Variants in ZNF611 observed in about 807,000 individuals in gnomAD.
The protein encoded by ZNF611 is zinc finger protein 611.
A neutral mutation model predicts 8.9 loss-of-function variants in ZNF611; 6 were observed. The observed-to-expected ratio is 0.68, with a 90% CI of 0.37 to 1.34. The LOEUF (loss-of-function observed/expected upper bound fraction) is 1.34. ZNF611 is among the 40% of genes most tolerant of loss of function. ZNF611 has a pLI of 0.02. For synonymous variants in ZNF611, 262 were observed against 279.7 expected (o/e 0.94, Z 0.63); for missense variants, 874 against 841.3 (o/e 1.04, Z -0.48).
At chr19:52,709,538 G>A (rs1489202637) in intron 5 of ZNF611, among the ~76,000 whole-genome samples, 1 of 152,042 alleles carries the variant, frequency 6.6e-6, no homozygotes, top group East Asian at 1.9e-4. Flanking sequence ...CCAAAGTGCT[G>A]GGATTACAGG....
At chr19:52,717,413 G>C (rs556091876) in intron 3 of ZNF611, among the ~76,000 whole-genome samples, 2 of 152,272 alleles carry the variant, frequency 1.3e-5, no homozygotes, top group South Asian at 2.1e-4. Context: ...CCTAGGCAGA[G>C]GGACAGCTCA....
chr19:52,716,329 C>G (rs1360425633), intron 3 of ZNF611: 1 of 159,740 alleles, frequency 6.3e-6, no homozygotes, highest in Admixed American at 6.1e-5. Flanking sequence ...TGGGCCACTG[C>G]AGGTATTACT....
At position 52,735,004 on chromosome 19, in the gene ZNF611, G is replaced by T; in HGVS notation, c.-225C>A. On this transcript the variant is annotated 5_prime_UTR_variant, in exon 1 of 6. Coordinates refer to ENST00000652185, the MANE Select transcript of ZNF611 (RefSeq NM_001161499.2). Reference sequence around the variant, plus strand: ...TACAACACAGAGCAAAACTCACCGCGGCGATATGACCTACACTCCACCCGA... The same window carrying T: ...TACAACACAGAGCAAAACTCACCGCTGCGATATGACCTACACTCCACCCGA... The T allele has an allele frequency of 6.5e-6, 1 of 153,218 alleles. No individual in the cohort carries two copies. Among genetic ancestry groups the T allele is most frequent in the South Asian group, 1.9e-4 (1 of 5,290 alleles). The allele number at this position is 153,218 out of a possible 1,614,324, so 9.5% of individuals were successfully genotyped here. A position where few individuals can be genotyped will look rare whatever the true frequency, so the allele number is the denominator to read the frequency against.
At chr19:52,714,163 A>C (rs367833024) in intron 4 of ZNF611, 22 bp from the exon 5 acceptor site, 47 of 1,611,070 alleles carry the variant, frequency 2.9e-5, no homozygotes, top group African/African-American at 1.9e-4. Context: ...CACACATTTC[A>C]ACAAAACATT....
intron 3 of ZNF611, among the ~76,000 whole-genome samples, chr19:52,721,798 CTT>C (rs1030693997): frequency 3.7e-4 from 56 of 152,036 alleles, no homozygotes; most frequent in African/African-American, 1.3e-3. Context: ...GAGTTTCGCT[CTT>C]GTTGCCCACA....
rs187661964 is a variant in ZNF611 at position 52,733,135 on chromosome 19, A to G, written c.-222+1866T>C. 3.1e-3 allele frequency among the ~76,000 whole-genome samples: 477 copies of G among 152,296 alleles called. 2 individuals carry two copies. The highest frequency in any genetic ancestry group is 0.011 in the African/African-American group (456 of 41,550). On this transcript the variant is annotated intron_variant, in intron 1 of 5. Transcript: ENST00000652185. The stretch of plus-strand genomic sequence containing the variant: ...AAGTGGAACATAACCTCTGATGCCA[A>G]GATTTATAGAATGTACATGTCTTAT...
chr19:52,717,517 G>A (rs1473479949), intron 3 of ZNF611, among the ~76,000 whole-genome samples: 2 of 152,228 alleles, frequency 1.3e-5, no homozygotes, highest in Non-Finnish European at 2.9e-5. Context: ...GCACAAGTAG[G>A]AGATGAGGAG....
chr19:52,707,109 G>A (rs1172910548), intron 5 of ZNF611, among the ~76,000 whole-genome samples: 2 of 152,158 alleles, frequency 1.3e-5, no homozygotes, highest in Admixed American at 1.3e-4. Flanking sequence ...ACAAACATGT[G>A]TAAGCCTAAA....
chr19:52,727,004 T>G (rs553108538), intron 3 of ZNF611, among the ~76,000 whole-genome samples: 5 of 152,170 alleles, frequency 3.3e-5, no homozygotes, highest in African/African-American at 1.2e-4. Context: ...TAGCTGGTAT[T>G]ACAAGCGCAC....
In ZNF611 at chr19:52,705,689, A is replaced by G. The variant is rs769981179; in HGVS notation, c.1366T>C (p.Cys456Arg). 7.4e-6 allele frequency: 12 copies of G among 1,613,996 alleles called. No individual in the cohort carries two copies. In the South Asian group the frequency reaches 1.2e-4, roughly 16 times the overall value. Reference protein sequence around the residue: ...RLHGGEKSYKCKVCDKAFVWS... With the variant: ...RLHGGEKSYKRKVCDKAFVWS... ...ACAAAAGCCTTGTCACAAACCTTAC[A>G]TTTGTAAGATTTCTCTCCACCATGA... is the stretch of plus-strand genomic sequence containing the variant. The change falls in exon 6 of 6, where the codon TGT becomes CGT. Residue 456 changes from cysteine (C) to arginine (R), a missense_variant. Cys to Arg is a radical substitution (Grantham distance 180, BLOSUM62 -3). Coordinates refer to ENST00000652185, the MANE Select transcript of ZNF611 (RefSeq NM_001161499.2).
intron 3 of ZNF611, among the ~76,000 whole-genome samples, chr19:52,724,972 T>C (rs1568608169): frequency 6.6e-6 from 1 of 152,222 alleles, no homozygotes; most frequent in Non-Finnish European, 1.5e-5. Context: ...ACCCATCCTC[T>C]ACTTTGCCAT....
chr19:52,714,140 C>T lies in ZNF611; in HGVS notation c.65G>A (p.Gly22Glu). 1 of 1,612,610 alleles carries T rather than the reference C, an allele frequency of 6.2e-7. No homozygotes were observed. The highest frequency in any genetic ancestry group is 8.5e-7 in the Non-Finnish European group (1 of 1,179,704). The change falls in exon 5 of 6, where the codon GGA becomes GAA. Residue 22 changes from glycine to glutamate, a missense_variant and splice_region_variant. By Grantham distance (98) the Gly-to-Glu change is moderately conservative. Transcript: ENST00000652185. ...AGCCACATCCCGGAAAGTCAAGCGTCCCTAAAATGAAACACACATTTCAAC... is the reference window on the plus strand; with the variant it reads ...AGCCACATCCCGGAAAGTCAAGCGTTCCTAAAATGAAACACACATTTCAAC... ...GKEPGMALPQ[G>E]RLTFRDVAIE... is the part of the protein sequence containing the mutation.
rs577785153 is a variant in ZNF611, at chr19:52,723,039, G to A, written c.-20+5691C>T. On this transcript the variant is annotated intron_variant, in intron 3 of 5. Coordinates refer to ENST00000652185, the MANE Select transcript of ZNF611 (RefSeq NM_001161499.2). Reference sequence around the variant, plus strand: ...TGGGATTACAGGCATGAGCCACTGCGCCTGGCCCCTCTTTCTTCATTACTG... The same window carrying A: ...TGGGATTACAGGCATGAGCCACTGCACCTGGCCCCTCTTTCTTCATTACTG... Among the ~76,000 whole-genome samples the A allele has an allele frequency of 1.1e-4, 16 of 150,670 alleles. No individual in the cohort carries two copies. The South Asian group carries it at 1.3e-3, about 12-fold the overall frequency.
chr19:52,715,900 T>C lies in ZNF611; in HGVS notation c.-6A>G. On this transcript the variant is annotated 5_prime_UTR_variant, in exon 4 of 6. Coordinates refer to ENST00000652185, the MANE Select transcript of ZNF611 (RefSeq NM_001161499.2). ...GCTGCTTCCTCACGTAACATGAGTC[T>C]TTAGGAATCAATCCTGTATGTGAAA... The C allele has an allele frequency of 5.0e-6, 8 of 1,613,488 alleles. No homozygotes were observed. Among genetic ancestry groups the C allele is most frequent in the Non-Finnish European group, 6.8e-6 (8 of 1,179,806 alleles).
intron 1 of ZNF611, among the ~76,000 whole-genome samples, chr19:52,730,391 C>CAAAAAAAA (rs1159350274): frequency 1.4e-4 from 10 of 73,562 alleles, no homozygotes; most frequent in Non-Finnish European, 2.2e-4. Flanking sequence ...GACTCCGTCT[C>CAAAAAAAA]AAAAAAAAAA....
chr19:52,728,418 G>T (rs1408355638), intron 3 of ZNF611, among the ~76,000 whole-genome samples: 1 of 152,050 alleles, frequency 6.6e-6, no homozygotes, highest in Non-Finnish European at 1.5e-5. Context: ...GGTGCCTGTA[G>T]TCCCAGCTAC....
intron 2 of ZNF611, among the ~76,000 whole-genome samples, chr19:52,729,288 A>G (rs1258685057): frequency 6.6e-6 from 1 of 152,146 alleles, no homozygotes; most frequent in African/African-American, 2.4e-5. Context: ...AAATCAATGG[A>G]AATGCTGTAT....
chr19:52,716,029 T>A, intron 3 of ZNF611, 116 bp from the exon 4 acceptor site: 1 of 1,148,082 alleles, frequency 8.7e-7, no homozygotes, highest in Non-Finnish European at 1.2e-6. Context: ...CACTGCCCAC[T>A]GCACCAGAGA....
At chr19:52,731,979 G>A (rs34809264) in intron 1 of ZNF611, among the ~76,000 whole-genome samples, 35 of 142,804 alleles carry the variant, frequency 2.5e-4, no homozygotes, top group South Asian at 4.6e-4. Flanking sequence ...CTCAAAAAAA[G>A]AAAAAAAAAT....
Sources: gnomAD v4.1 joint callset for allele counts (sites outside exome capture counted in the v4.1 genomes callset) on GRCh38, gnomAD v4.1.1 for gene constraint, MANE v1.5 for transcripts, NCBI Gene and HGNC (gene_info 2026-07-23, HGNC 2026-07-21) for gene names.